Variants in GRID2 observed in about 807,000 individuals in gnomAD.
The protein encoded by GRID2 is glutamate receptor ionotropic, delta-2.
A neutral mutation model predicts 114.8 loss-of-function variants in GRID2; 33 were observed. The ratio of observed to expected loss-of-function variants is 0.29; its 90% CI spans 0.22 to 0.38. GRID2 has a LOEUF of 0.38. Among genes scored for constraint, GRID2 ranks in the 10% least tolerant of loss-of-function variants. GRID2 has a pLI of 1.00. For missense variants in GRID2, 1,184 were observed against 1,257.7 expected (o/e 0.94, Z 0.89); for synonymous variants, 505 against 449.9 (o/e 1.12, Z -1.55).
chr4:92,409,031 C>T (rs1731169167), intron 1 of GRID2, among the ~76,000 whole-genome samples: 1 of 152,058 alleles, frequency 6.6e-6, no homozygotes, highest in South Asian at 2.1e-4. Context: ...TGAGAGTGAG[C>T]GTACTTGTCT....
intron 2 of GRID2, among the ~76,000 whole-genome samples, chr4:92,792,311 G>A (rs917282796): frequency 1.6e-4 from 25 of 151,728 alleles, no homozygotes; most frequent in African/African-American, 6.0e-4. Context: ...TGTTAGGGAG[G>A]TACGTTGCAG....
At chr4:93,028,512 T>C (rs1228356798) in intron 2 of GRID2, among the ~76,000 whole-genome samples, 1 of 152,074 alleles carries the variant, frequency 6.6e-6, no homozygotes, top group African/African-American at 2.4e-5. Flanking sequence ...AAATCATGCG[T>C]GATTAGGCAG....
chr4:92,408,145 A>G (rs775781291), intron 1 of GRID2, among the ~76,000 whole-genome samples: 14 of 152,032 alleles, frequency 9.2e-5, no homozygotes, highest in Non-Finnish European at 1.5e-4. Flanking sequence ...CATAGACCTC[A>G]TTCAATGGCT....
intron 4 of GRID2, among the ~76,000 whole-genome samples, chr4:93,166,936 A>AT (rs1324074818): frequency 2.0e-5 from 3 of 152,140 alleles, no homozygotes; most frequent in African/African-American, 4.8e-5. Context: ...TGAGCCTTCA[A>AT]TTTGTAGTCC....
chr4:93,277,052 C>G (rs545218178), intron 8 of GRID2, among the ~76,000 whole-genome samples: 174 of 151,846 alleles, frequency 1.1e-3, no homozygotes, highest in African/African-American at 3.6e-3. Context: ...AAAGGGGATA[C>G]AGATGCATAA....
intron 1 of GRID2, among the ~76,000 whole-genome samples, chr4:92,397,342 ATGTGTGTG>A (rs58085283): frequency 1.8e-3 from 250 of 142,776 alleles, no homozygotes; most frequent in South Asian, 9.3e-3. Flanking sequence ...GTGTGTTTGT[ATGTGTGTG>A]TGTGTGTGTG....
chr4:93,147,099 G>C (rs116249682), intron 4 of GRID2, among the ~76,000 whole-genome samples: 1 of 151,908 alleles, frequency 6.6e-6, no homozygotes, highest in African/African-American at 2.4e-5. Context: ...ATTTTTTAAC[G>C]TACTTATAAG....
At chr4:92,756,099 C>G (rs772156811) in intron 2 of GRID2, among the ~76,000 whole-genome samples, 1 of 152,122 alleles carries the variant, frequency 6.6e-6, no homozygotes, top group African/African-American at 2.4e-5. Flanking sequence ...CGTCCCCACC[C>G]CTGCATCCTT....
chr4:93,529,363 A>G (rs1264044702), intron 13 of GRID2, among the ~76,000 whole-genome samples: 1 of 152,238 alleles, frequency 6.6e-6, no homozygotes, highest in African/African-American at 2.4e-5. Context: ...TCTTCAAGGC[A>G]TGGGCCCTGG....
At position 93,757,576 on chromosome 4, in the gene GRID2, G is replaced by A. The variant is rs114383789; in HGVS notation, c.2361-11634G>A. ...CTTCTCTTGTGCTGCCCCATTCCGG[G>A]CATGTGACCACCCTGCAGTGGAACT... On this transcript the variant is annotated intron_variant, in intron 14 of 15. Coordinates refer to ENST00000282020, the MANE Select transcript of GRID2 (RefSeq NM_001510.4). Among the ~76,000 whole-genome samples, 1,277 of 152,342 alleles carry A rather than the reference G, an allele frequency of 8.4e-3. 32 individuals are homozygous for A. Among genetic ancestry groups the A allele is most frequent in the African/African-American group, 0.03 (1,230 of 41,588 alleles).
chr4:93,110,849 C>G lies in GRID2; in HGVS notation c.631C>G (p.Leu211Val). The change falls in exon 4 of 16, where the codon CTC (leucine) becomes GTC (valine). Residue 211 changes from leucine (L) to valine (V), a missense_variant. Coordinates refer to ENST00000282020, the MANE Select transcript of GRID2 (RefSeq NM_001510.4). ...CAACATCAATAAAATGATTACCACT[C>G]TCTTTGACACCATGAGAATAGAAGA... Reference protein sequence around the residue: ...ENNINKMITTLFDTMRIEELN... With the variant: ...ENNINKMITTVFDTMRIEELN... 6.2e-7 allele frequency: 1 copy of G among 1,609,674 alleles called. No individual in the cohort carries two copies. The highest frequency in any genetic ancestry group is 8.5e-7 in the Non-Finnish European group (1 of 1,175,940).
intron 2 of GRID2, among the ~76,000 whole-genome samples, chr4:92,632,285 A>G (rs1043640108): frequency 2.0e-5 from 3 of 152,108 alleles, no homozygotes; most frequent in Non-Finnish European, 4.4e-5. Flanking sequence ...TTTTCCACTG[A>G]AATAGTTTTT....
At chr4:92,404,263 T>TG (rs1730927470) in intron 1 of GRID2, among the ~76,000 whole-genome samples, 1 of 152,114 alleles carries the variant, frequency 6.6e-6, no homozygotes, top group South Asian at 2.1e-4. Context: ...AGTCATTGTA[T>TG]GAAAGAATGA....
intron 12 of GRID2, among the ~76,000 whole-genome samples, chr4:93,503,583 T>G (rs1173860659): frequency 1.3e-5 from 2 of 151,008 alleles, no homozygotes; most frequent in Non-Finnish European, 2.9e-5. Context: ...GTGTTCGGTT[T>G]TTTGTCCTTG....
At chr4:93,337,703 A>T (rs1339057823) in intron 8 of GRID2, among the ~76,000 whole-genome samples, 2 of 152,314 alleles carry the variant, frequency 1.3e-5, no homozygotes, top group Admixed American at 6.5e-5. Flanking sequence ...GATATACAGA[A>T]ATATGAGAGA....
At chr4:93,189,827 T>TA (rs936824128) in intron 4 of GRID2, among the ~76,000 whole-genome samples, 62 of 140,130 alleles carry the variant, frequency 4.4e-4, no homozygotes, top group African/African-American at 7.1e-4. Context: ...ATCTCATCTT[T>TA]AAAAAAAAAA....
intron 4 of GRID2, among the ~76,000 whole-genome samples, chr4:93,142,091 G>T (rs1441653793): frequency 2.0e-5 from 3 of 152,144 alleles, no homozygotes; most frequent in African/African-American, 7.2e-5. Context: ...GTGTGTGCCT[G>T]TGGTCTCAGC....
chr4:92,653,796 G>T (rs926717628), intron 2 of GRID2, among the ~76,000 whole-genome samples: 2 of 152,050 alleles, frequency 1.3e-5, no homozygotes, highest in Non-Finnish European at 2.9e-5. Context: ...AAAATTATCA[G>T]TGTGGGCTCA....
intron 2 of GRID2, among the ~76,000 whole-genome samples, chr4:92,696,553 A>T (rs1460587728): frequency 6.6e-6 from 1 of 152,120 alleles, no homozygotes; most frequent in Non-Finnish European, 1.5e-5. Context: ...GAAGAAAGAC[A>T]AAAATCTTTT....
Sources: allele counts gnomAD v4.1 joint callset (sites outside exome capture counted in the v4.1 genomes callset), GRCh38; gene constraint gnomAD v4.1.1; transcripts MANE v1.5; gene names NCBI Gene and HGNC (gene_info 2026-07-23, HGNC 2026-07-21).